The following TRAK1 variants were observed in gnomAD, a reference collection of about 807,000 sequenced individuals.
The protein encoded by TRAK1 is trafficking kinesin-binding protein 1.
A neutral mutation model predicts 92.1 loss-of-function variants in TRAK1; 33 were observed. The observed-to-expected ratio is 0.36, with a 90% CI of 0.27 to 0.48. The LOEUF is 0.48. TRAK1 is among the 20% of genes least tolerant of loss of function. The pLI is 0.99. For missense variants in TRAK1, 1,123 were observed against 1,257.9 expected, an observed-to-expected ratio of 0.89 and a Z score of 1.62; for synonymous variants, 521 against 517.3, an observed-to-expected ratio of 1.01 and a Z score of -0.10.
intron 1 of TRAK1, among the ~76,000 whole-genome samples, chr3:42,031,986 G>A (rs140383777): frequency 2.6e-4 from 40 of 152,262 alleles, no homozygotes; most frequent in African/African-American, 9.4e-4. Context: ...GTTAGGGGGC[G>A]GGGAAGGGAT....
intron 10 of TRAK1, among the ~76,000 whole-genome samples, chr3:42,196,537 TTC>T (rs1187410642): frequency 5.4e-4 from 73 of 134,580 alleles, no homozygotes; most frequent in East Asian, 9.9e-4. Context: ...TTTTCTCTTC[TTC>T]TTTTTTTTTT....
chr3:42,169,345 TATTC>T (rs948562765), intron 2 of TRAK1, among the ~76,000 whole-genome samples: 3 of 152,214 alleles, frequency 2.0e-5, no homozygotes, highest in African/African-American at 7.2e-5. Context: ...CTACTGTGTT[TATTC>T]ATTCACCAAT....
At chr3:42,146,198 CT>C in intron 2 of TRAK1, 1 of 315,790 alleles carries the variant, frequency 3.2e-6, no homozygotes, top group Non-Finnish European at 6.4e-6. Flanking sequence ...CTACTCTCAC[CT>C]TTAAGAAAAG....
At chr3:42,190,035 A>G (rs1458360499) in intron 6 of TRAK1, among the ~76,000 whole-genome samples, 1 of 152,192 alleles carries the variant, frequency 6.6e-6, no homozygotes, top group Non-Finnish European at 1.5e-5. Flanking sequence ...GTGTTTTGAT[A>G]ACCCGAGGTC....
upstream of TRAK1, among the ~76,000 whole-genome samples, chr3:42,089,675 A>ACCCCCCC (rs3073728): frequency 7.5e-6 from 1 of 132,842 alleles, no homozygotes; most frequent in African/African-American, 2.8e-5. Context: ...GCTTTTTGTG[A>ACCCCCCC]CCCCCCCCCA....
At chr3:42,175,467 T>C (rs977161960) in intron 2 of TRAK1, among the ~76,000 whole-genome samples, 3 of 152,286 alleles carry the variant, frequency 2.0e-5, no homozygotes, top group African/African-American at 7.2e-5. Context: ...GGCAGCTCTG[T>C]CTGAGGCAGC....
At chr3:42,027,741 C>T (rs995064740) in intron 1 of TRAK1, among the ~76,000 whole-genome samples, 2 of 152,152 alleles carry the variant, frequency 1.3e-5, no homozygotes, top group East Asian at 1.9e-4. Flanking sequence ...TATTTCCCTG[C>T]GAATTCAGAG....
intron 6 of TRAK1, 98 bp from the exon 7 acceptor site, chr3:42,191,460 C>T (rs879635416): frequency 9.3e-7 from 1 of 1,074,270 alleles, no homozygotes; most frequent in Non-Finnish European, 1.3e-6. Context: ...AGGGCAGCTT[C>T]CCAGACCCCA....
chr3:42,166,829 G>A (rs545326599), intron 2 of TRAK1, among the ~76,000 whole-genome samples: 67 of 152,336 alleles, frequency 4.4e-4, no homozygotes, highest in African/African-American at 1.6e-3. Flanking sequence ...TTGGCAAGTG[G>A]CACCATGCTC....
At position 42,187,960 on chromosome 3, in the gene TRAK1, C is replaced by T; in HGVS notation, c.481-85C>T. 5 of 1,126,376 alleles carry T rather than the reference C, an allele frequency of 4.4e-6. No homozygotes were observed. In the South Asian group the frequency reaches 6.2e-5, roughly 14 times the overall value. 69.8% of individuals were successfully genotyped at this position (1,126,376 alleles called of 1,614,324 possible). A position where few individuals can be genotyped will look rare whatever the true frequency, so the allele number is the denominator to read the frequency against. On this transcript the variant is annotated intron_variant, in intron 4 of 15. Transcript: ENST00000327628. ...GTGAATTTTCAGAAAAATATTGTCC[C>T]TAAGTGTTAAGTGTTGGAATGTGAG...
chr3:42,110,094 G>A (rs1237206649), intron 1 of TRAK1, among the ~76,000 whole-genome samples: 12 of 83,228 alleles, frequency 1.4e-4, no homozygotes, highest in South Asian at 3.3e-4. Flanking sequence ...AGAACTTAAA[G>A]TATATATATA....
In TRAK1 at chr3:42,160,057, C is replaced by T. The variant is rs529389470; in HGVS notation, c.287-16757C>T. 12 of 682,310 alleles carry T rather than the reference C, an allele frequency of 1.8e-5. No homozygotes were observed. The East Asian group carries it at 6.9e-4, about 39-fold the overall frequency. 42.3% of individuals were successfully genotyped at this position (682,310 alleles called of 1,614,324 possible). On this transcript the variant is annotated intron_variant, in intron 2 of 15. Transcript: ENST00000327628. ...TGAGATCCTGTACCTTCCTGCAGGGCTTTCCTCTGAATCTCCTGCGCCTAG... is the reference window on the plus strand; with the variant it reads ...TGAGATCCTGTACCTTCCTGCAGGGTTTTCCTCTGAATCTCCTGCGCCTAG...
chr3:42,025,017 T>C (rs556175109), intron 1 of TRAK1, among the ~76,000 whole-genome samples: 27 of 152,348 alleles, frequency 1.8e-4, no homozygotes, highest in African/African-American at 6.5e-4. Context: ...TGATGCTAAG[T>C]TGCAGTTTCT....
At chr3:42,037,173 C>T (rs150547787) in intron 1 of TRAK1, among the ~76,000 whole-genome samples, 369 of 152,258 alleles carry the variant, frequency 2.4e-3, no homozygotes, top group African/African-American at 8.6e-3. Context: ...TACCACAGAG[C>T]AGAAATGTGC....
rs142860217 is a variant in TRAK1 at position 42,024,137 on chromosome 3, C to T, written c.-519+10020C>T. ...TTCGAAGAGGGATAGGAGTTTGAGG[C>T]AAGGGTTTGGGGACCATTCCTGTGT... On this transcript the variant is annotated intron_variant, in intron 1 of 16. Transcript: ENST00000487159. Among the ~76,000 whole-genome samples the T allele has an allele frequency of 2.0e-3, 303 of 152,130 alleles. 1 individual carries two copies. The highest frequency in any genetic ancestry group is 7.1e-3 in the African/African-American group (293 of 41,504).
intron 2 of TRAK1, among the ~76,000 whole-genome samples, chr3:42,167,955 A>C (rs1044250013): frequency 6.6e-6 from 1 of 152,202 alleles, no homozygotes; most frequent in Non-Finnish European, 1.5e-5. Flanking sequence ...CACTAGGACT[A>C]TTTGGTCAAG....
intron 1 of TRAK1, among the ~76,000 whole-genome samples, chr3:42,035,325 G>T (rs763603664): frequency 6.6e-6 from 1 of 152,008 alleles, no homozygotes; most frequent in African/African-American, 2.4e-5. Context: ...TGGTGATCTC[G>T]CCAGGCCAGT....
chr3:42,223,250 C>T lies in TRAK1; in HGVS notation c.2375C>T (p.Ser792Phe), dbSNP rs761513087. 1.4e-5 allele frequency: 22 copies of T among 1,614,220 alleles called. No individual in the cohort carries two copies. The Admixed American group carries it at 3.5e-4, about 26-fold the overall frequency. The change falls in exon 16 of 16, where the codon TCC (serine) becomes TTC (phenylalanine). Residue 792 changes from serine (S) to phenylalanine (F), a missense_variant. Physicochemically the swap from Ser to Phe is radical, Grantham distance 155. Coordinates refer to ENST00000327628, the MANE Select transcript of TRAK1 (RefSeq NM_001042646.3). This position sits in a 1 kb window ranked among gnomAD's most constrained non-coding sequence, Gnocchi z 6.1. Reference sequence around the variant, plus strand: ...AACTCGCCTATGCAGACACCCACATCCTCCCCACCCTCCTTTGAGTTCAAG... The same window carrying T: ...AACTCGCCTATGCAGACACCCACATTCTCCCCACCCTCCTTTGAGTTCAAG... ...PPNSPMQTPTSSPPSFEFKCT... is the reference protein window; with the variant it reads ...PPNSPMQTPTFSPPSFEFKCT...
chr3:42,194,919 A>G lies in TRAK1; in HGVS notation c.1091A>G (p.His364Arg), dbSNP rs914460522. ...CCCAATACCACGTCTCGGCGCTACC[A>G]CTCACTGGGCCTGTTTCCCATGGTG... ...TMPNTTSRRY[H>R]SLGLFPMDSL... Residue 364 changes from histidine to arginine, a missense_variant, in exon 10 of 16, where the codon CAC (histidine) becomes CGC (arginine). Physicochemically the swap from His to Arg is conservative, Grantham distance 29 (BLOSUM62 0). Around this residue, in one of 3 missense-constraint regions of TRAK1, gnomAD observed 686 missense variants for 747.6 expected, o/e 0.92. Transcript: ENST00000327628. 53 of 1,613,456 alleles carry G rather than the reference A, an allele frequency of 3.3e-5. No homozygotes were observed. The highest frequency in any genetic ancestry group is 3.9e-5 in the Non-Finnish European group (46 of 1,179,836).
Sources: gnomAD v4.1 joint callset for allele counts (sites outside exome capture counted in the v4.1 genomes callset) on GRCh38, gnomAD v4.1.1 for gene constraint, gnomAD v4.1.1 regional missense constraint, Gnocchi (gnomAD v3.1) non-coding constraint, MANE v1.5 for transcripts, NCBI Gene and HGNC (gene_info 2026-07-23, HGNC 2026-07-21) for gene names.